GPHN: variants seen among roughly 807,000 people sequenced by gnomAD.
GPHN encodes the protein gephyrin.
A neutral mutation model predicts 95.5 loss-of-function variants in GPHN; 17 were observed. That is an observed-to-expected ratio of 0.18 (90% CI 0.12 to 0.27). GPHN has a LOEUF of 0.27. Among genes scored for constraint, GPHN ranks in the 10% least tolerant of loss-of-function variants. The probability of loss-of-function intolerance (pLI) is 1.00; values close to 1 mark genes in which losing one functional copy is unlikely to be tolerated. For synonymous variants in GPHN, 320 were observed against 322.5 expected (o/e 0.99, Z 0.08); for missense variants, 660 against 978.1 (o/e 0.67, Z 4.34).
intron 11 of GPHN, among the ~76,000 whole-genome samples, chr14:67,072,668 ATAATCTT>A (rs1009399538): frequency 6.6e-6 from 1 of 152,166 alleles, no homozygotes; most frequent in African/African-American, 2.4e-5. Flanking sequence ...CTTAGTTGCA[ATAATCTT>A]TAATACTTTA....
At chr14:67,074,961 A>C (rs946170327) in intron 11 of GPHN, among the ~76,000 whole-genome samples, 2 of 152,218 alleles carry the variant, frequency 1.3e-5, no homozygotes, top group Non-Finnish European at 1.5e-5. Context: ...GTTATCCAGA[A>C]GATCTATCTA....
At chr14:67,208,509 A>G in the GPHN span, 1 of 1,541,202 alleles carries the variant, frequency 6.5e-7, no homozygotes. Context: ...ATAAAGAAAT[A>G]TGTGCTTTAG....
chr14:67,567,602 C>T, the GPHN span, among the ~76,000 whole-genome samples: 2 of 152,104 alleles, frequency 1.3e-5, no homozygotes, highest in Non-Finnish European at 2.9e-5. Context: ...TCCTCACCGC[C>T]CCTCTGTCTC....
intron 4 of GPHN, among the ~76,000 whole-genome samples, chr14:66,825,985 A>T (rs1198698193): frequency 2.0e-5 from 3 of 152,138 alleles, no homozygotes; most frequent in Non-Finnish European, 2.9e-5. Context: ...TTATGTTAAG[A>T]TATGGATTTT....
At chr14:67,311,379 CTGTT>C in the GPHN span, among the ~76,000 whole-genome samples, 1 of 149,568 alleles carries the variant, frequency 6.7e-6, no homozygotes, top group Non-Finnish European at 1.5e-5. Flanking sequence ...AATTCTTAGA[CTGTT>C]TGTCTTTTGC....
chr14:67,118,836 T>TA (rs2078849494), intron 16 of GPHN, among the ~76,000 whole-genome samples: 1 of 152,356 alleles, frequency 6.6e-6, no homozygotes, highest in African/African-American at 2.4e-5. Context: ...GAGCGTTTCT[T>TA]ATATTTTTCT....
At chr14:67,581,596 A>G in the GPHN span, 1 of 169,432 alleles carries the variant, frequency 5.9e-6, no homozygotes, top group Non-Finnish European at 1.3e-5. Flanking sequence ...ATGAGAGTGA[A>G]ATTTTGTATA....
At chr14:67,218,885 G>A in the GPHN span, among the ~76,000 whole-genome samples, 1 of 152,056 alleles carries the variant, frequency 6.6e-6, no homozygotes, top group Admixed American at 6.6e-5. Context: ...GCAGCAGTGA[G>A]GGTTGGTTTC....
intron 21 of GPHN, among the ~76,000 whole-genome samples, chr14:67,171,068 G>A (rs886514883): frequency 6.6e-6 from 1 of 152,120 alleles, no homozygotes; most frequent in African/African-American, 2.4e-5. Context: ...TGTCATCCTT[G>A]CTAGGCACAG....
At chr14:67,557,545 T>A in the GPHN span, 1 of 767,702 alleles carries the variant, frequency 1.3e-6, no homozygotes, top group East Asian at 2.7e-5. Context: ...GAGCCTATTC[T>A]TTTATGTGAA....
chr14:66,839,874 G>T (rs1381030142), intron 4 of GPHN, among the ~76,000 whole-genome samples: 1 of 151,990 alleles, frequency 6.6e-6, no homozygotes, highest in Admixed American at 6.6e-5. Flanking sequence ...AGACTTACTG[G>T]TATTGTACTT....
At chr14:67,536,216 C>T in the GPHN span, among the ~76,000 whole-genome samples, 1 of 151,562 alleles carries the variant, frequency 6.6e-6, no homozygotes, top group East Asian at 1.9e-4. Flanking sequence ...ATGTAGGCAC[C>T]CAGCAGTGGC....
chr14:66,878,602 CAT>C (rs756042962), intron 4 of GPHN, among the ~76,000 whole-genome samples: 6 of 152,226 alleles, frequency 3.9e-5, no homozygotes, highest in East Asian at 1.9e-4. Flanking sequence ...AGCCAACAAA[CAT>C]ATGTAAAAAA....
chr14:66,764,954 T>G (rs1423012934), intron 2 of GPHN, among the ~76,000 whole-genome samples: 1 of 152,186 alleles, frequency 6.6e-6, no homozygotes, highest in Admixed American at 6.5e-5. Context: ...ATGTATGCAC[T>G]TAGTTGCTTT....
chr14:67,372,577 T>C, the GPHN span, among the ~76,000 whole-genome samples: 14 of 152,328 alleles, frequency 9.2e-5, no homozygotes, highest in Admixed American at 2.6e-4. Flanking sequence ...ACGCCTGTTA[T>C]CCCAGCACTT....
At chr14:67,466,463 T>C in the GPHN span, among the ~76,000 whole-genome samples, 1 of 152,106 alleles carries the variant, frequency 6.6e-6, no homozygotes, top group Non-Finnish European at 1.5e-5. Flanking sequence ...TCTATGGTGG[T>C]GGGCACAGAA....
the GPHN span, chr14:67,646,526 TA>T: frequency 1.3e-6 from 1 of 782,896 alleles, no homozygotes; most frequent in Non-Finnish European, 2.1e-6. Flanking sequence ...TGTGTTGCTC[TA>T]AACTTACCCT....
Position 67,048,417 on chromosome 14 carries a change from T to G in GPHN, c.1007-10232T>G, listed in dbSNP as rs181419143. ...TAAGAGACAAGTTAAGTTGTACTTA[T>G]GGAACTGTAGGCTCATTAGAGAAAC... On this transcript the variant is annotated intron_variant, in intron 10 of 22. Transcript: ENST00000478722. Among the ~76,000 whole-genome samples, 100 of 152,346 alleles carry G rather than the reference T, an allele frequency of 6.6e-4. No individual in the cohort carries two copies. The East Asian group carries it at 6.7e-3, about 10-fold the overall frequency.
At chr14:67,613,558 G>A in the GPHN span, 2 of 206,244 alleles carry the variant, frequency 9.7e-6, no homozygotes, top group East Asian at 1.1e-4. Flanking sequence ...CAATAAAACA[G>A]ATCAATGGAA....
Sources: allele counts gnomAD v4.1 joint callset (sites outside exome capture counted in the v4.1 genomes callset), GRCh38; gene constraint gnomAD v4.1.1; transcripts MANE v1.5; gene names NCBI Gene and HGNC (gene_info 2026-07-23, HGNC 2026-07-21).